B4GALNT1: variants seen among roughly 807,000 people sequenced by gnomAD.
B4GALNT1 encodes the protein beta-1,4 N-acetylgalactosaminyltransferase 1.
B4GALNT1 carries 43 observed loss-of-function variants against 55.2 expected under a neutral mutation model. That is an observed-to-expected ratio of 0.78 (90% confidence interval 0.61 to 1.00). The LOEUF is 1.00. Ranked by LOEUF, B4GALNT1 falls within the 50% of genes least tolerant of loss-of-function variation. The pLI is 0.00. For synonymous variants in B4GALNT1, 305 were observed against 311.6 expected (o/e 0.98, Z 0.22); for missense variants, 664 against 729.7 (o/e 0.91, Z 1.04).
At chr12:57,627,552 G>C (rs1884906310) in intron 10 of B4GALNT1, 66 bp downstream of exon 10, 1 of 1,517,906 alleles carries the variant, frequency 6.6e-7, no homozygotes, top group Admixed American at 2.0e-5. Flanking sequence ...GAGGAGAGGC[G>C]CGTGACCGTG....
In B4GALNT1 at chr12:57,626,787, A is replaced by T. The variant is rs766437785; in HGVS notation, c.1559T>A (p.Leu520Gln). 4 of 1,614,222 alleles carry T rather than the reference A, an allele frequency of 2.5e-6. No individual in the cohort carries two copies. The Admixed American group carries it at 6.7e-5, about 27-fold the overall frequency. The change falls in exon 11 of 11, where the codon CTG becomes CAG. Residue 520 changes from leucine to glutamine, a missense_variant. Physicochemically the swap from Leu to Gln is moderately radical, Grantham distance 113 (BLOSUM62 -2). Transcript: ENST00000341156. Reference protein sequence around the residue: ...LDESQMAKHRLLFFKHRLQCM... With the variant: ...LDESQMAKHRQLFFKHRLQCM... ...CTGCAGCCGGTGTTTGAAGAAGAGC[A>T]GCCGGTGTTTGGCCATCTGGCTCTC...
In B4GALNT1 at chr12:57,629,105, G is replaced by C; in HGVS notation, c.754C>G (p.Arg252Gly). 1 of 1,599,432 alleles carries C rather than the reference G, an allele frequency of 6.3e-7. No homozygotes were observed. Among genetic ancestry groups the C allele is most frequent in the South Asian group, 1.1e-5 (1 of 89,994 alleles). The change falls in exon 7 of 11, where the codon CGC becomes GGC. Residue 252 changes from arginine to glycine, a missense_variant. Transcript: ENST00000341156. ...CGAGGGTTGGGCGGGTGTCTTATGC[G>C]GATAGTGAAAGCAGCCTCATGTCCC... The part of the protein sequence containing the change: ...TEGHEAAFTI[R>G]IRHPPNPRLY...
In B4GALNT1 at chr12:57,626,492, A is replaced by C; in HGVS notation, c.*252T>G. The C allele has an allele frequency of 1.9e-6, 1 of 528,280 alleles. No homozygotes were observed. The highest frequency in any genetic ancestry group is 3.4e-6 in the Non-Finnish European group (1 of 292,434). 32.7% of individuals were successfully genotyped at this position (528,280 alleles called of 1,614,324 possible). ...TCCCCCCATTTCCTGCCCCATGAGAATGGGCAGGGGGAGGACTTGGCACTG... is the reference window on the plus strand; with the variant it reads ...TCCCCCCATTTCCTGCCCCATGAGACTGGGCAGGGGGAGGACTTGGCACTG... On this transcript the variant is annotated 3_prime_UTR_variant, in exon 11 of 11. Coordinates refer to ENST00000341156, the MANE Select transcript of B4GALNT1 (RefSeq NM_001478.5).
chr12:57,631,018 C>A lies in B4GALNT1; in HGVS notation c.452G>T (p.Gly151Val), dbSNP rs1185348915. Residue 151 changes from glycine to valine, a missense_variant, in exon 4 of 11, where the codon GGT becomes GTT. Coordinates refer to ENST00000341156, the MANE Select transcript of B4GALNT1 (RefSeq NM_001478.5). Reference sequence around the variant, plus strand: ...GCTCCTGAGGGGCTGAACTTCCACACCCTGTAGGGGGTACTGGAGCGGGGA... The same window carrying A: ...GCTCCTGAGGGGCTGAACTTCCACAACCTGTAGGGGGTACTGGAGCGGGGA... ...ANSPLQYPLQ[G>V]VEVQPLRSIL... The A allele has an allele frequency of 3.1e-6, 5 of 1,613,282 alleles. No individual in the cohort carries two copies. The highest frequency in any genetic ancestry group is 4.2e-6 in the Non-Finnish European group (5 of 1,179,914).
intron 10 of B4GALNT1, 149 bp downstream of exon 10, chr12:57,627,469 G>A: frequency 2.3e-6 from 2 of 863,236 alleles, no homozygotes; most frequent in Non-Finnish European, 3.1e-6. Flanking sequence ...TCTCGCCCAG[G>A]TGCAGGTCTT....
In B4GALNT1 at chr12:57,631,312, G is replaced by A; in HGVS notation, c.271C>T (p.Leu91Phe). Reference sequence around the variant, plus strand: ...GCTCGGACTTGTTTCTGGAAGGGGAGGGGGAGGCCCCCCCCACTGGACTCA... The same window carrying A: ...GCTCGGACTTGTTTCTGGAAGGGGAAGGGGAGGCCCCCCCCACTGGACTCA... ...SCESSGGGLP[L>F]PFQKQVRAID... is the part of the protein sequence containing the mutation. The change falls in exon 3 of 11, where the codon CTC becomes TTC. Residue 91 changes from leucine to phenylalanine, a missense_variant. Physicochemically the swap from Leu to Phe is conservative, Grantham distance 22 (BLOSUM62 0). Coordinates refer to ENST00000341156, the MANE Select transcript of B4GALNT1 (RefSeq NM_001478.5). 2.5e-6 allele frequency: 4 copies of A among 1,614,126 alleles called. No homozygotes were observed. The highest frequency in any genetic ancestry group is 2.7e-5 in the African/African-American group (2 of 75,030).
chr12:57,627,850 GC>G lies in B4GALNT1; in HGVS notation c.1151del (p.Gly384AlafsTer17). 1.9e-6 allele frequency: 3 copies of G among 1,582,408 alleles called. No homozygotes were observed. The highest frequency in any genetic ancestry group is 1.7e-6 in the Non-Finnish European group (2 of 1,163,052). On this transcript the variant is annotated frameshift_variant, in exon 10 of 11. Transcript: ENST00000341156. LOFTEE classifies it high-confidence loss of function. ...LERTPLDLVGGAVREISGFAT... is the reference protein window; with the variant it reads ...LERTPLDLVGXAVREISGFAT... ...CAAAGCCGGAGATCTCGCGCACCGC[GC>G]CCCCCACCTGCAGGGAGAGGGAGGT...
chr12:57,627,494 G>C (rs1446529942), intron 10 of B4GALNT1, 124 bp downstream of exon 10: 3 of 1,279,178 alleles, frequency 2.3e-6, no homozygotes, highest in Non-Finnish European at 3.1e-6. Context: ...AATCACTGCA[G>C]AACTGTTCTG....
chr12:57,631,929 C>T lies in B4GALNT1; in HGVS notation c.204G>A (p.Lys68=). ...PRYAHIPVRI[K]EQVVGLLAWN... ...TCGGCACTCACCCCACTACTTGCTC[C>T]TTGATCCTGACCGGGATGTGTGCGT... The change falls in exon 2 of 11, where the codon AAG becomes AAA. Residue 68 remains lysine (K), a synonymous_variant. Coordinates refer to ENST00000341156, the MANE Select transcript of B4GALNT1 (RefSeq NM_001478.5). 1 of 1,436,038 alleles carries T rather than the reference C, an allele frequency of 7.0e-7. No individual in the cohort carries two copies. The highest frequency in any genetic ancestry group is 1.6e-5 in the South Asian group (1 of 61,410). The allele number at this position is 1,436,038 out of a possible 1,614,324, so 89.0% of individuals were successfully genotyped here.
Position 57,627,721 on chromosome 12 carries a change from T to A in B4GALNT1, c.1281A>T (p.Pro427=). The A allele has an allele frequency of 6.2e-7, 1 of 1,611,840 alleles. No individual in the cohort carries two copies. Among genetic ancestry groups the A allele is most frequent in the African/African-American group, 1.3e-5 (1 of 75,006 alleles). The change falls in exon 10 of 11, where the codon CCA becomes CCT. Residue 427 remains proline (P), a synonymous_variant. Coordinates refer to ENST00000341156, the MANE Select transcript of B4GALNT1 (RefSeq NM_001478.5). Reference sequence around the variant, plus strand: ...CCACGCCGTCGGTGACCACGCAGCCTGGGAAGCCGACGAGCTCGTGGTGGA... The same window carrying A: ...CCACGCCGTCGGTGACCACGCAGCCAGGGAAGCCGACGAGCTCGTGGTGGA... ...RGFHHELVGF[P]GCVVTDGVVN...
chr12:57,631,378 G>A lies in B4GALNT1; in HGVS notation c.219-14C>T, dbSNP rs573223786. The A allele has an allele frequency of 3.1e-6, 5 of 1,613,772 alleles. No homozygotes were observed. The Admixed American group carries it at 8.3e-5, about 27-fold the overall frequency. On this transcript the variant is annotated splice_polypyrimidine_tract_variant and intron_variant, in intron 2 of 10. Coordinates refer to ENST00000341156, the MANE Select transcript of B4GALNT1 (RefSeq NM_001478.5). ...CAAGCCAGCAGCCTGAAGGGGGTAG[G>A]TAGTGAGGGTCATCAGAGCCCAGCT...
In B4GALNT1 at chr12:57,626,701, G is replaced by C. The variant is rs747255249; in HGVS notation, c.*43C>G. 19 of 1,606,184 alleles carry C rather than the reference G, an allele frequency of 1.2e-5. No homozygotes were observed. In the South Asian group the frequency reaches 2.1e-4, roughly 18 times the overall value. On this transcript the variant is annotated 3_prime_UTR_variant, in exon 11 of 11. Coordinates refer to ENST00000341156, the MANE Select transcript of B4GALNT1 (RefSeq NM_001478.5). ...TGTTGGAAATTCCTGGCAGGGACAA[G>C]GAGGCAGGCCCAGCCTGACAGTCAG...
rs190119573 is a variant in B4GALNT1 at position 57,624,312 on chromosome 12, C to T, written c.*2432G>A. 1.5e-4 allele frequency: 97 copies of T among 626,122 alleles called. No homozygotes were observed. The highest frequency in any genetic ancestry group is 1.4e-3 in the Admixed American group (56 of 38,990). 38.8% of individuals were successfully genotyped at this position (626,122 alleles called of 1,614,324 possible). Reference sequence around the variant, plus strand: ...AATATTTGTAACTTCCCAACTGGTGCGGGTCATTACATTTGGTGTGTGTCC... The same window carrying T: ...AATATTTGTAACTTCCCAACTGGTGTGGGTCATTACATTTGGTGTGTGTCC... On this transcript the variant is annotated 3_prime_UTR_variant, in exon 11 of 11. Transcript: ENST00000341156.
intron 4 of B4GALNT1, 31 bp downstream of exon 4, chr12:57,630,949 T>G: frequency 6.3e-7 from 1 of 1,589,102 alleles, no homozygotes; most frequent in Non-Finnish European, 8.6e-7. Context: ...CCACTGTGGC[T>G]GAGGTCATCC....
Position 57,626,588 on chromosome 12 carries a change from C to A in B4GALNT1, c.*156G>T. 2.3e-6 allele frequency: 2 copies of A among 855,404 alleles called. No individual in the cohort carries two copies. Among genetic ancestry groups the A allele is most frequent in the Non-Finnish European group, 3.7e-6 (2 of 539,322 alleles). 53.0% of individuals were successfully genotyped at this position (855,404 alleles called of 1,614,324 possible). ...AAAGGAGGGGTGTCACCAGGACAAC[C>A]CCTACTGGGCATCAGGTTCTGAAAA... On this transcript the variant is annotated 3_prime_UTR_variant, in exon 11 of 11. Transcript: ENST00000341156.
intron 9 of B4GALNT1, 50 bp downstream of exon 9, chr12:57,628,072 G>C (rs1158715453): frequency 1.2e-6 from 2 of 1,607,234 alleles, no homozygotes; most frequent in Non-Finnish European, 1.7e-6. Flanking sequence ...TGTGGCCTTA[G>C]CCTGTTCAAG....
chr12:57,625,464 GGTGAGATGTGTGGA>G lies in B4GALNT1; in HGVS notation c.*1266_*1279del. 1 of 1,614,228 alleles carries G rather than the reference GGTGAGATGTGTGGA, an allele frequency of 6.2e-7. No individual in the cohort carries two copies. Among genetic ancestry groups the G allele is most frequent in the Non-Finnish European group, 8.5e-7 (1 of 1,180,034 alleles). On this transcript the variant is annotated 3_prime_UTR_variant, in exon 11 of 11. Transcript: ENST00000341156. ...CCGCCTCCTCCTGGCTCAGTGTAAT[GGTGAGATGTGTGGA>G]GAAGAGCGGGGCCCAGTGCCTGGGC...
intron 5 of B4GALNT1, 23 bp downstream of exon 5, chr12:57,630,455 C>T: frequency 6.2e-7 from 1 of 1,603,592 alleles, no homozygotes; most frequent in Non-Finnish European, 8.5e-7. Context: ...ACTTGGCCTC[C>T]TTGCCTTCTT....
chr12:57,632,106 G>T lies in B4GALNT1; in HGVS notation c.27C>A (p.Cys9Ter). Residue 9 changes from cysteine (C) to a stop codon, truncating the protein, a stop_gained, in exon 2 of 11, where the codon TGC becomes TGA. Coordinates refer to ENST00000341156, the MANE Select transcript of B4GALNT1 (RefSeq NM_001478.5). LOFTEE classifies it high-confidence loss of function. MWLGRRAL[C>*]ALVLLLACAS... is the part of the protein sequence containing the mutation. ...CGCAGGCGAGCAGAAGGACCAGAGC[G>T]CACAGGGCCCGGCGGCCCAGCCACA... 1.3e-6 allele frequency: 2 copies of T among 1,487,644 alleles called. No individual in the cohort carries two copies. Among genetic ancestry groups the T allele is most frequent in the South Asian group, 1.4e-5 (1 of 74,034 alleles). The allele number at this position is 1,487,644 out of a possible 1,614,324, so 92.2% of individuals were successfully genotyped here.
Sources: allele counts gnomAD v4.1 joint callset, GRCh38; gene constraint gnomAD v4.1.1; transcripts MANE v1.5; gene names NCBI Gene and HGNC (gene_info 2026-07-23, HGNC 2026-07-21).